Variants in EXOSC10 observed in about 807,000 individuals in gnomAD.
The protein encoded by EXOSC10 is exosome component 10, also known as exosome complex component 10.
In EXOSC10, 94 loss-of-function variants were observed where a neutral mutation model predicts 126.6. The ratio of observed to expected loss-of-function variants is 0.74; its 90% confidence interval spans 0.63 to 0.88. The LOEUF is 0.88. Among genes scored for constraint, EXOSC10 ranks in the 40% least tolerant of loss-of-function variants. The pLI is 0.00. For synonymous variants in EXOSC10, 395 were observed against 400.8 expected (o/e 0.99, Z 0.17); for missense variants, 1,041 against 1,100.5 (o/e 0.95, Z 0.77).
At chr1:11,076,691 T>C (rs928187156) in intron 17 of EXOSC10, 151 bp downstream of exon 17, 123 of 648,630 alleles carry the variant, frequency 1.9e-4, no homozygotes, top group African/African-American at 1.7e-3. Context: ...ACCTTGCTCA[T>C]TGGTCTCTAT....
chr1:11,085,519 G>C (rs201288630), intron 9 of EXOSC10, among the ~76,000 whole-genome samples: 26 of 152,152 alleles, frequency 1.7e-4, no homozygotes, highest in Admixed American at 3.9e-4. Flanking sequence ...GGAGATTTTG[G>C]GCTGAGACAA....
intron 20 of EXOSC10, 136 bp downstream of exon 20, chr1:11,071,951 T>C: frequency 5.9e-6 from 4 of 673,446 alleles, no homozygotes; most frequent in South Asian, 3.6e-5. Flanking sequence ...TAGATACTGA[T>C]TGCCCACCAT....
At chr1:11,074,184 T>C (rs1553165039) in intron 18 of EXOSC10, 47 bp downstream of exon 18, 1 of 1,482,724 alleles carries the variant, frequency 6.7e-7, no homozygotes, top group Non-Finnish European at 9.4e-7. Flanking sequence ...TGTACAGCTG[T>C]AGGCATCTCT....
At chr1:11,078,415 G>A (rs1037812011) in intron 14 of EXOSC10, among the ~76,000 whole-genome samples, 3 of 151,708 alleles carry the variant, frequency 2.0e-5, no homozygotes, top group East Asian at 1.9e-4. Flanking sequence ...CCGCCACTAC[G>A]CCTGGCTAAT....
rs1385233788 is a variant in EXOSC10, at chr1:11,070,213, GGC to G, written c.2317-485_2317-484del. ...AATTGCACCACTGTACTCCAGCCTG[GGC>G]ATCAGGGTAAGAGTAAGACCATGTC... On this transcript the variant is annotated intron_variant, in intron 21 of 24. Transcript: ENST00000376936. Among the ~76,000 whole-genome samples the G allele has an allele frequency of 2.0e-5, 3 of 147,958 alleles. No individual in the cohort carries two copies. In the East Asian group the frequency reaches 6.0e-4, roughly 29 times the overall value.
intron 3 of EXOSC10, 150 bp from the exon 4 acceptor site, chr1:11,091,747 C>T (rs1173670764): frequency 1.7e-6 from 1 of 592,458 alleles, no homozygotes; most frequent in Non-Finnish European, 3.0e-6. Context: ...CAACTCTTTA[C>T]AGTTCTGAAT....
chr1:11,076,997 T>C, intron 16 of EXOSC10, 49 bp from the exon 17 acceptor site: 1 of 1,489,282 alleles, frequency 6.7e-7, no homozygotes, highest in Non-Finnish European at 9.3e-7. Context: ...ATTTTGTTTA[T>C]TTTTTCTTTT....
Position 11,080,549 on chromosome 1 carries a change from T to C in EXOSC10, c.1587A>G (p.Gly529=). 2 of 1,595,492 alleles carry C rather than the reference T, an allele frequency of 1.3e-6. No individual in the cohort carries two copies. The highest frequency in any genetic ancestry group is 2.3e-5 in the East Asian group (1 of 44,344). The change falls in exon 13 of 25, where the codon GGA becomes GGG. Residue 529 remains glycine (G), a splice_region_variant and synonymous_variant. Transcript: ENST00000376936. Reference sequence around the variant, plus strand: ...GCATCATGTGGTTTGGCAGTACATATCTGGAAAAAAAAAAACACACACACA... The same window carrying C: ...GCATCATGTGGTTTGGCAGTACATACCTGGAAAAAAAAAAACACACACACA... ...KTARREDESY[G]YVLPNHMMLK...
chr1:11,082,929 C>T lies in EXOSC10; in HGVS notation c.1090-51G>A, dbSNP rs138785338. On this transcript the variant is annotated intron_variant, in intron 9 of 24. Transcript: ENST00000376936. ...GTACACTGGTAGCAGGCCACTCATG[C>T]TCAGAAATTAACTCTGCCTCTAGTT... 7.9e-4 allele frequency: 1,139 copies of T among 1,434,088 alleles called. 7 individuals are homozygous for T. The African/African-American group carries it at 0.014, about 18-fold the overall frequency. 88.8% of individuals were successfully genotyped at this position (1,434,088 alleles called of 1,614,324 possible).
chr1:11,082,288 GT>G (rs1272193872), intron 10 of EXOSC10, among the ~76,000 whole-genome samples: 2 of 151,880 alleles, frequency 1.3e-5, no homozygotes, highest in East Asian at 3.9e-4. Context: ...AAACAACAGT[GT>G]CCCTTAGAAT....
intron 3 of EXOSC10, among the ~76,000 whole-genome samples, chr1:11,093,655 A>G (rs1383337738): frequency 6.6e-6 from 1 of 152,220 alleles, no homozygotes; most frequent in Admixed American, 6.5e-5. Flanking sequence ...AGAATAATAC[A>G]CATCTCCTTC....
intron 2 of EXOSC10, among the ~76,000 whole-genome samples, chr1:11,096,986 G>A (rs1166739202): frequency 1.3e-5 from 2 of 151,882 alleles, no homozygotes; most frequent in Non-Finnish European, 2.9e-5. Context: ...GGCTGAGGTG[G>A]GTGGATCACA....
In EXOSC10 at chr1:11,069,624, G is replaced by T; in HGVS notation, c.2423C>A (p.Pro808Gln). The T allele has an allele frequency of 6.2e-7, 1 of 1,614,158 alleles. No individual in the cohort carries two copies. The change falls in exon 22 of 25, where the codon CCA becomes CAA. Residue 808 changes from proline to glutamine, a missense_variant. By Grantham distance (76) the Pro-to-Gln change is moderately conservative (BLOSUM62 -1). Coordinates refer to ENST00000376936, the MANE Select transcript of EXOSC10 (RefSeq NM_001001998.3). The part of the protein sequence containing the change: ...RLKISKKPKD[P>Q]EPPEKEFTPY... The stretch of plus-strand genomic sequence containing the variant: ...CGTAAACTCTTTTTCTGGTGGCTCT[G>T]GGTCCTTTGGCTTCTTGGAAATTTT...
rs184298803 is a variant in EXOSC10, at chr1:11,069,444, G to A, written c.2488+115C>T. On this transcript the variant is annotated intron_variant, in intron 22 of 24. Coordinates refer to ENST00000376936, the MANE Select transcript of EXOSC10 (RefSeq NM_001001998.3). The stretch of plus-strand genomic sequence containing the variant: ...CTCTGGACTACTCCAACAATTCCTG[G>A]CTAGCACCATGCCTTGTGCAGGACT... The A allele has an allele frequency of 1.1e-5, 13 of 1,224,510 alleles. No individual in the cohort carries two copies. In the Admixed American group the frequency reaches 2.3e-4, roughly 21 times the overall value. 75.9% of individuals were successfully genotyped at this position (1,224,510 alleles called of 1,614,324 possible). A position where few individuals can be genotyped will look rare whatever the true frequency, so the allele number is the denominator to read the frequency against.
intron 21 of EXOSC10, among the ~76,000 whole-genome samples, 160 bp from the exon 22 acceptor site, chr1:11,069,890 C>G (rs1639358408): frequency 6.6e-6 from 1 of 152,134 alleles, no homozygotes; most frequent in Admixed American, 6.6e-5. Flanking sequence ...GACCAACACT[C>G]AGGGTCAGCT....
chr1:11,099,564 G>A, intron 1 of EXOSC10, 157 bp downstream of exon 1: 2 of 690,542 alleles, frequency 2.9e-6, no homozygotes, highest in Non-Finnish European at 2.2e-6. Flanking sequence ...CCCCATCCCC[G>A]GAGGGTGCAG....
intron 2 of EXOSC10, 107 bp from the exon 3 acceptor site, chr1:11,095,988 CTT>C (rs374028571): frequency 0.018 from 15,175 of 866,462 alleles, no homozygotes; most frequent in South Asian, 0.024. Context: ...CCCAACACAT[CTT>C]TTTTTTTTTT....
intron 14 of EXOSC10, among the ~76,000 whole-genome samples, chr1:11,079,333 A>C (rs1393569156): frequency 6.6e-6 from 1 of 151,196 alleles, no homozygotes; most frequent in East Asian, 2.0e-4. Context: ...GTCTAAAAAA[A>C]ACAAAAAACA....
At chr1:11,076,153 G>A (rs532209725) in intron 17 of EXOSC10, among the ~76,000 whole-genome samples, 6 of 151,776 alleles carry the variant, frequency 4.0e-5, no homozygotes, top group South Asian at 2.1e-4. Context: ...CAACAAGAGC[G>A]AAACTCCATC....
Sources: gnomAD v4.1 joint callset for allele counts (sites outside exome capture counted in the v4.1 genomes callset) on GRCh38, gnomAD v4.1.1 for gene constraint, MANE v1.5 for transcripts, NCBI Gene and HGNC (gene_info 2026-07-23, HGNC 2026-07-21) for gene names.